The following AOAH variants were observed in gnomAD, a reference collection of about 807,000 sequenced individuals.
The protein encoded by AOAH is acyloxyacyl hydrolase (neutrophil).
In AOAH, 64 loss-of-function variants were observed where a neutral mutation model predicts 92.2. That is an observed-to-expected ratio of 0.69 (90% CI 0.57 to 0.86). The LOEUF is 0.86. Ranked by LOEUF, AOAH falls within the 40% of genes least tolerant of loss-of-function variation. The pLI, the probability that AOAH is intolerant of heterozygous loss-of-function variation, is 0.00. For synonymous variants in AOAH, 263 were observed against 254.5 expected (o/e 1.03, Z -0.32); for missense variants, 656 against 694.6 (o/e 0.94, Z 0.62).
At chr7:36,571,711 G>C (rs908269207) in intron 13 of AOAH, among the ~76,000 whole-genome samples, 3 of 152,124 alleles carry the variant, frequency 2.0e-5, no homozygotes, top group South Asian at 2.1e-4. Context: ...GGCCAATTCA[G>C]CTGCCCCCAG....
At chr7:36,706,616 C>T (rs1798428818) in intron 1 of AOAH, among the ~76,000 whole-genome samples, 1 of 152,166 alleles carries the variant, frequency 6.6e-6, no homozygotes, top group African/African-American at 2.4e-5. Context: ...CTATGAAAGT[C>T]ATATAGATGA....
chr7:36,570,276 G>A (rs181244252), intron 13 of AOAH, among the ~76,000 whole-genome samples: 1 of 152,158 alleles, frequency 6.6e-6, no homozygotes, highest in African/African-American at 2.4e-5. Context: ...TCGTCCTTCT[G>A]TGACTGGCTT....
chr7:36,642,655 T>C (rs573220045), intron 4 of AOAH, among the ~76,000 whole-genome samples: 3 of 152,344 alleles, frequency 2.0e-5, no homozygotes, highest in Admixed American at 6.5e-5. Flanking sequence ...CAAGTGCTCA[T>C]CACCATCAGT....
chr7:36,658,063 A>T (rs1351731977), intron 4 of AOAH, among the ~76,000 whole-genome samples: 1 of 151,684 alleles, frequency 6.6e-6, no homozygotes, highest in Non-Finnish European at 1.5e-5. Flanking sequence ...TTTTTTTTTT[A>T]ATTAAAGTTA....
At chr7:36,657,150 G>A (rs571450274) in intron 4 of AOAH, among the ~76,000 whole-genome samples, 5 of 152,214 alleles carry the variant, frequency 3.3e-5, no homozygotes, top group South Asian at 2.1e-4. Context: ...CACACATTTC[G>A]ACATCAGTTG....
In AOAH at chr7:36,569,496, T is replaced by TCTAC. The variant is rs1554289000; in HGVS notation, c.1021+7077_1021+7078insGTAG. On this transcript the variant is annotated intron_variant, in intron 13 of 20. Coordinates refer to ENST00000617537, the MANE Select transcript of AOAH (RefSeq NM_001637.4). ...ATCTATCTATCTATCTATCTATCTA[T>TCTAC]CTATCTATCTATCTATCTGTCTATC... is the stretch of plus-strand genomic sequence containing the variant. Among the ~76,000 whole-genome samples, 31 of 151,880 alleles carry TCTAC rather than the reference T, an allele frequency of 2.0e-4. 1 individual carries two copies. Among genetic ancestry groups the TCTAC allele is most frequent in the African/African-American group, 6.8e-4 (28 of 41,394 alleles).
chr7:36,696,801 G>A (rs757145458), intron 1 of AOAH, among the ~76,000 whole-genome samples: 1 of 151,936 alleles, frequency 6.6e-6, no homozygotes, highest in Non-Finnish European at 1.5e-5. Context: ...GGAGGCGGAG[G>A]TTGCAGTGAG....
chr7:36,576,877 T>C (rs977525349), intron 12 of AOAH, among the ~76,000 whole-genome samples: 2 of 152,210 alleles, frequency 1.3e-5, no homozygotes, highest in Admixed American at 1.3e-4. Flanking sequence ...GTAAGAATAC[T>C]GTTGAAGACA....
At chr7:36,523,519 T>C (rs181905010) in intron 19 of AOAH, among the ~76,000 whole-genome samples, 1 of 152,216 alleles carries the variant, frequency 6.6e-6, no homozygotes, top group South Asian at 2.1e-4. Flanking sequence ...CAAGCCAGCA[T>C]GCAGCTTTCA....
intron 16 of AOAH, among the ~76,000 whole-genome samples, chr7:36,537,043 C>A (rs183068341): frequency 8.1e-5 from 12 of 148,988 alleles, no homozygotes; most frequent in African/African-American, 2.9e-4. Flanking sequence ...TGAGTCCTGT[C>A]AAAGGAGGCC....
In AOAH at chr7:36,614,528, T is replaced by C. The variant is rs146806455; in HGVS notation, c.846+1852A>G. 8.5e-5 allele frequency among the ~76,000 whole-genome samples: 13 copies of C among 152,246 alleles called. No individual in the cohort carries two copies. Among genetic ancestry groups the C allele is most frequent in the Admixed American group, 3.9e-4 (6 of 15,298 alleles). Reference sequence around the variant, plus strand: ...GACTGGAAACGGGGTCGACTCTGGATCCTGTCTCCTGCCACCTCTCAAGAT... The same window carrying C: ...GACTGGAAACGGGGTCGACTCTGGACCCTGTCTCCTGCCACCTCTCAAGAT... On this transcript the variant is annotated intron_variant, in intron 11 of 20. Transcript: ENST00000617537. This position sits in a 1 kb window ranked among gnomAD's most constrained non-coding sequence, Gnocchi z 4.2.
intron 12 of AOAH, among the ~76,000 whole-genome samples, chr7:36,586,729 G>C (rs955226053): frequency 6.6e-6 from 1 of 151,926 alleles, no homozygotes; most frequent in Non-Finnish European, 1.5e-5. Context: ...ATCACATTAG[G>C]TATTAAAATT....
chr7:36,630,911 T>C (rs1793027189), intron 6 of AOAH, among the ~76,000 whole-genome samples: 1 of 152,158 alleles, frequency 6.6e-6, no homozygotes, highest in Non-Finnish European at 1.5e-5. Flanking sequence ...GCTTTCTCTG[T>C]GAAATGGGAA....
intron 18 of AOAH, among the ~76,000 whole-genome samples, chr7:36,531,051 T>C (rs1784662071): frequency 1.3e-5 from 2 of 152,344 alleles, no homozygotes; most frequent in East Asian, 3.9e-4. Flanking sequence ...ATGAAATAAA[T>C]CATAATATAG....
chr7:36,663,093 C>T (rs1375849063), intron 3 of AOAH, among the ~76,000 whole-genome samples: 2 of 152,166 alleles, frequency 1.3e-5, no homozygotes, highest in Non-Finnish European at 2.9e-5. Context: ...ACAATTCCCA[C>T]CTTTTCTCTT....
intron 2 of AOAH, among the ~76,000 whole-genome samples, chr7:36,674,401 G>T (rs1796115052): frequency 1.3e-5 from 2 of 152,134 alleles, no homozygotes; most frequent in Non-Finnish European, 2.9e-5. Flanking sequence ...TGTTAGAAAT[G>T]GTCTTTTCTG....
chr7:36,679,291 T>G (rs996657354), intron 2 of AOAH, among the ~76,000 whole-genome samples: 10 of 150,614 alleles, frequency 6.6e-5, no homozygotes, highest in Admixed American at 4.0e-4. Flanking sequence ...ACAATAAATA[T>G]ATATATAAAA....
intron 4 of AOAH, among the ~76,000 whole-genome samples, chr7:36,640,719 C>G (rs149269468): frequency 6.6e-6 from 1 of 152,196 alleles, no homozygotes; most frequent in East Asian, 1.9e-4. Flanking sequence ...AGGTACTCTA[C>G]CTAAGATTCA....
chr7:36,531,842 T>TTGTGTGTGTGTGTGTGTG (rs3837108), intron 18 of AOAH, among the ~76,000 whole-genome samples: 18 of 150,524 alleles, frequency 1.2e-4, no homozygotes, highest in African/African-American at 3.4e-4. Flanking sequence ...CTTTAAGAGG[T>TTGTGTGTGTGTGTGTGTG]TGTGTGTGTG....
Sources: gnomAD v4.1 joint callset for allele counts (sites outside exome capture counted in the v4.1 genomes callset) on GRCh38, gnomAD v4.1.1 for gene constraint, Gnocchi (gnomAD v3.1) non-coding constraint, MANE v1.5 for transcripts, NCBI Gene and HGNC (gene_info 2026-07-23, HGNC 2026-07-21) for gene names.